The following RPTOR variants were observed in gnomAD, a reference collection of about 807,000 sequenced individuals.
The protein encoded by RPTOR is regulatory associated protein of MTOR complex 1, also known as regulatory-associated protein of mTOR.
A neutral mutation model predicts 169.9 loss-of-function variants in RPTOR; 21 were observed. That is an observed-to-expected ratio of 0.12 (90% CI 0.09 to 0.18). The LOEUF is 0.18. Ranked by LOEUF, RPTOR falls within the 10% of genes least tolerant of loss-of-function variation. The pLI is 1.00. For synonymous variants in RPTOR, 732 were observed against 753.2 expected (o/e 0.97, Z 0.46); for missense variants, 1,133 against 1,855.9 (o/e 0.61, Z 7.16).
intron 2 of RPTOR, among the ~76,000 whole-genome samples, chr17:80,639,910 A>T (rs969917527): frequency 6.6e-6 from 1 of 152,250 alleles, no homozygotes; most frequent in Non-Finnish European, 1.5e-5. Context: ...AGGTTGGCTG[A>T]ATGCCAGCAC....
chr17:80,669,598 G>A (rs1368671899), intron 3 of RPTOR, among the ~76,000 whole-genome samples: 1 of 152,166 alleles, frequency 6.6e-6, no homozygotes, highest in Admixed American at 6.5e-5. Flanking sequence ...TGGTCAGGCT[G>A]TTCTTGAACT....
chr17:80,596,418 C>G (rs181946877), intron 1 of RPTOR, among the ~76,000 whole-genome samples: 1 of 151,756 alleles, frequency 6.6e-6, no homozygotes, highest in Admixed American at 6.6e-5. Context: ...CTATTAGGTT[C>G]GACTTTTTTT....
At chr17:80,717,547 T>C (rs2066249933) in intron 4 of RPTOR, among the ~76,000 whole-genome samples, 1 of 152,134 alleles carries the variant, frequency 6.6e-6, no homozygotes, top group Non-Finnish European at 1.5e-5. Context: ...CAGGCGCGTG[T>C]TCTTCCAGAT....
chr17:80,664,298 A>C (rs1359863282), intron 3 of RPTOR, among the ~76,000 whole-genome samples: 1 of 152,180 alleles, frequency 6.6e-6, no homozygotes, highest in African/African-American at 2.4e-5. Flanking sequence ...AAATGCATTT[A>C]GCTGTGTTTA....
chr17:80,634,357 C>CTA (rs1567830670), intron 2 of RPTOR, among the ~76,000 whole-genome samples: 24 of 58,776 alleles, frequency 4.1e-4, no homozygotes, highest in African/African-American at 7.2e-4. Context: ...CATGTGCGTA[C>CTA]TGTGTGTGCA....
At chr17:80,698,440 A>G (rs986187441) in intron 3 of RPTOR, among the ~76,000 whole-genome samples, 1 of 152,108 alleles carries the variant, frequency 6.6e-6, no homozygotes, top group Admixed American at 6.5e-5. Flanking sequence ...CACCGTTGTC[A>G]CCAGCATGTG....
intron 1 of RPTOR, among the ~76,000 whole-genome samples, chr17:80,595,854 ATTC>A (rs1240050617): frequency 2.0e-5 from 3 of 151,944 alleles, no homozygotes; most frequent in African/African-American, 7.3e-5. Context: ...GGCTATTTTG[ATTC>A]TTCTTATAGG....
intron 6 of RPTOR, among the ~76,000 whole-genome samples, chr17:80,785,383 T>C (rs934452314): frequency 1.3e-5 from 2 of 152,254 alleles, no homozygotes; most frequent in Non-Finnish European, 2.9e-5. Context: ...GTCGAAGGCA[T>C]ACAGGCAGAC....
At chr17:80,550,192 C>T (rs1278236791) in intron 1 of RPTOR, among the ~76,000 whole-genome samples, 2 of 152,232 alleles carry the variant, frequency 1.3e-5, no homozygotes, top group African/African-American at 4.8e-5. Context: ...AGACTGGTCT[C>T]CATATGGCCC....
At chr17:80,616,429 G>A (rs2143503946) in intron 1 of RPTOR, among the ~76,000 whole-genome samples, 1 of 149,304 alleles carries the variant, frequency 6.7e-6, no homozygotes, top group Admixed American at 6.8e-5. Context: ...CTCCCGAGTA[G>A]CTGGGATTAT....
chr17:80,624,763 A>G (rs2065380120), intron 1 of RPTOR, among the ~76,000 whole-genome samples: 1 of 152,366 alleles, frequency 6.6e-6, no homozygotes, highest in Middle Eastern at 3.4e-3. Context: ...AATGTAAAAC[A>G]GAAACACTGT....
intron 20 of RPTOR, among the ~76,000 whole-genome samples, chr17:80,901,776 C>T (rs897460177): frequency 8.6e-5 from 13 of 151,956 alleles, no homozygotes; most frequent in South Asian, 2.1e-4. Flanking sequence ...CCTGCCCCAG[C>T]GCCTCCCCAT....
At chr17:80,917,545 G>A (rs149134105) in intron 21 of RPTOR, among the ~76,000 whole-genome samples, 4 of 152,272 alleles carry the variant, frequency 2.6e-5, no homozygotes, top group African/African-American at 4.8e-5. Context: ...TGCCTGAATC[G>A]TAAGGATTTC....
chr17:80,727,911 C>T (rs2066353865), intron 4 of RPTOR, among the ~76,000 whole-genome samples: 1 of 152,158 alleles, frequency 6.6e-6, no homozygotes, highest in Non-Finnish European at 1.5e-5. Flanking sequence ...AATTTACATT[C>T]CCACCATTGA....
chr17:80,775,719 A>G (rs1040050370), intron 6 of RPTOR, among the ~76,000 whole-genome samples: 1 of 152,248 alleles, frequency 6.6e-6, no homozygotes, highest in Non-Finnish European at 1.5e-5. Flanking sequence ...AGCCTTTGCT[A>G]TCTTTTAATT....
chr17:80,594,158 A>G (rs1442339464), intron 1 of RPTOR, among the ~76,000 whole-genome samples: 3 of 151,548 alleles, frequency 2.0e-5, no homozygotes, highest in Non-Finnish European at 4.4e-5. Flanking sequence ...CAGTGGTGCG[A>G]TCTCGGCTCA....
At chr17:80,643,655 A>G in intron 2 of RPTOR, 73 bp from the exon 3 acceptor site, 3 of 1,113,870 alleles carry the variant, frequency 2.7e-6, no homozygotes, top group Non-Finnish European at 4.0e-6. Context: ...ATAAGGAGAA[A>G]CTGTGGAAGA....
At chr17:80,850,328 G>A (rs1000738401) in intron 11 of RPTOR, among the ~76,000 whole-genome samples, 8 of 152,208 alleles carry the variant, frequency 5.3e-5, no homozygotes, top group African/African-American at 1.9e-4. Context: ...TTCTGTTTCT[G>A]AGTTATTCCA....
intron 9 of RPTOR, among the ~76,000 whole-genome samples, chr17:80,829,673 G>A (rs2143644599): frequency 6.6e-6 from 1 of 152,310 alleles, no homozygotes; most frequent in Non-Finnish European, 1.5e-5. Flanking sequence ...CATGGAGAGG[G>A]CGGCGTCCAC....
Sources: allele counts gnomAD v4.1 joint callset (sites outside exome capture counted in the v4.1 genomes callset), GRCh38; gene constraint gnomAD v4.1.1; transcripts MANE v1.5; gene names NCBI Gene and HGNC (gene_info 2026-07-23, HGNC 2026-07-21).